Variants in CTNNA3 observed in about 807,000 individuals in gnomAD.
The protein encoded by CTNNA3 is catenin alpha-3.
In CTNNA3, 76 loss-of-function variants were observed where a neutral mutation model predicts 95.7. That is an observed-to-expected ratio of 0.79 (90% CI 0.66 to 0.96). The LOEUF (loss-of-function observed/expected upper bound fraction) is 0.96, where lower values mean the gene tolerates loss of function less well. CTNNA3 is among the 40% of genes least tolerant of loss of function. The pLI is 0.00. For missense variants in CTNNA3, 1,191 were observed against 1,089.8 expected (o/e 1.09, Z -1.31); for synonymous variants, 431 against 374.4 (o/e 1.15, Z -1.74).
intron 7 of CTNNA3, among the ~76,000 whole-genome samples, chr10:67,002,994 G>T (rs1851770480): frequency 6.6e-6 from 1 of 152,060 alleles, no homozygotes; most frequent in Non-Finnish European, 1.5e-5. Flanking sequence ...TTCATCAGAT[G>T]CAGTATTGCT....
At chr10:67,716,992 T>C (rs1841147850) in intron 1 of CTNNA3, among the ~76,000 whole-genome samples, 1 of 152,238 alleles carries the variant, frequency 6.6e-6, no homozygotes, top group Non-Finnish European at 1.5e-5. Flanking sequence ...TGTTGTTTCC[T>C]GATTTTTTAA....
At chr10:66,244,099 G>T (rs1248834891) in intron 13 of CTNNA3, among the ~76,000 whole-genome samples, 2 of 152,182 alleles carry the variant, frequency 1.3e-5, no homozygotes, top group Admixed American at 1.3e-4. Flanking sequence ...ATGAACATTG[G>T]CAGTGGCCTG....
intron 1 of CTNNA3, among the ~76,000 whole-genome samples, chr10:67,702,021 G>C (rs1181185435): frequency 6.6e-6 from 1 of 152,090 alleles, no homozygotes; most frequent in Non-Finnish European, 1.5e-5. Flanking sequence ...GATCAAAAGA[G>C]ACAAAGAAGG....
intron 7 of CTNNA3, among the ~76,000 whole-genome samples, chr10:66,834,808 A>G (rs1842835664): frequency 6.6e-6 from 1 of 152,158 alleles, no homozygotes; most frequent in African/African-American, 2.4e-5. Flanking sequence ...AACACTTTAA[A>G]CTGTGCTTTT....
intron 7 of CTNNA3, chr10:67,015,154 C>G (rs764436279): frequency 2.0e-5 from 3 of 152,226 alleles, no homozygotes; most frequent in Non-Finnish European, 4.4e-5. Context: ...TAACTGATAC[C>G]TCTTCCAATA....
At chr10:66,179,876 A>G (rs1289331374) in intron 13 of CTNNA3, among the ~76,000 whole-genome samples, 1 of 152,176 alleles carries the variant, frequency 6.6e-6, no homozygotes, top group East Asian at 1.9e-4. Context: ...GTCTATTATG[A>G]AAAATTTTAT....
At chr10:67,197,341 A>C (rs1214859158) in intron 6 of CTNNA3, among the ~76,000 whole-genome samples, 1 of 152,052 alleles carries the variant, frequency 6.6e-6, no homozygotes, top group African/African-American at 2.4e-5. Flanking sequence ...ATTGTGCTCT[A>C]TTTCTGTTTG....
chr10:67,579,898 G>T (rs896956887), intron 3 of CTNNA3, among the ~76,000 whole-genome samples: 1 of 152,180 alleles, frequency 6.6e-6, no homozygotes, highest in Non-Finnish European at 1.5e-5. Flanking sequence ...TTTTGATGGG[G>T]TTGTTTGATT....
intron 6 of CTNNA3, among the ~76,000 whole-genome samples, chr10:67,182,809 C>A (rs929507018): frequency 1.3e-5 from 2 of 152,092 alleles, no homozygotes; most frequent in Non-Finnish European, 2.9e-5. Flanking sequence ...GGCTAATATC[C>A]AGAATCTACA....
chr10:67,221,396 A>T (rs1349482215), intron 5 of CTNNA3, among the ~76,000 whole-genome samples: 1 of 152,198 alleles, frequency 6.6e-6, no homozygotes, highest in Non-Finnish European at 1.5e-5. Context: ...AAAACTCATG[A>T]GAGATGTGAT....
At chr10:67,446,701 T>A (rs949891606) in intron 5 of CTNNA3, among the ~76,000 whole-genome samples, 21 of 152,286 alleles carry the variant, frequency 1.4e-4, no homozygotes, top group African/African-American at 4.8e-4. Context: ...CTCAAAAACC[T>A]TGGAGCCATC....
chr10:66,363,809 T>C (rs540674835), intron 12 of CTNNA3, among the ~76,000 whole-genome samples: 1 of 152,306 alleles, frequency 6.6e-6, no homozygotes, highest in African/African-American at 2.4e-5. Context: ...TGCTTTACTA[T>C]ATTCCAATCC....
chr10:66,810,324 C>G (rs1303575517), intron 7 of CTNNA3, among the ~76,000 whole-genome samples: 1 of 152,110 alleles, frequency 6.6e-6, no homozygotes, highest in Non-Finnish European at 1.5e-5. Flanking sequence ...TTAGTTCCCC[C>G]ACATCCCTAA....
At chr10:66,810,236 A>G (rs527514832) in intron 7 of CTNNA3, among the ~76,000 whole-genome samples, 17 of 152,340 alleles carry the variant, frequency 1.1e-4, no homozygotes, top group African/African-American at 4.1e-4. Flanking sequence ...CAGAGGAGTG[A>G]AAGTTATAGT....
chr10:67,745,965 G>T (rs192061949), intron 1 of CTNNA3, among the ~76,000 whole-genome samples: 1 of 152,126 alleles, frequency 6.6e-6, no homozygotes. Flanking sequence ...TTCATGGATT[G>T]GAAGAAATAA....
intron 11 of CTNNA3, among the ~76,000 whole-genome samples, chr10:66,497,759 C>T (rs990090276): frequency 6.6e-6 from 1 of 152,078 alleles, no homozygotes; most frequent in East Asian, 1.9e-4. Flanking sequence ...AAATACACCA[C>T]AGGCCAATAA....
chr10:66,134,635 T>C (rs2083267004), intron 13 of CTNNA3, among the ~76,000 whole-genome samples: 1 of 152,126 alleles, frequency 6.6e-6, no homozygotes. Flanking sequence ...GGTAGATAAT[T>C]AGTCATTAAC....
intron 10 of CTNNA3, among the ~76,000 whole-genome samples, chr10:66,618,989 T>C (rs1844638312): frequency 6.6e-6 from 1 of 152,030 alleles, no homozygotes; most frequent in Non-Finnish European, 1.5e-5. Flanking sequence ...ATCAGAGAAA[T>C]GCAAATAAAA....
chr10:67,074,713 A>G (rs186758623), intron 7 of CTNNA3, among the ~76,000 whole-genome samples: 5 of 152,338 alleles, frequency 3.3e-5, no homozygotes, highest in Non-Finnish European at 5.9e-5. Flanking sequence ...AGACATTTCT[A>G]TTATTCAAAG....
Sources: allele counts gnomAD v4.1 joint callset (sites outside exome capture counted in the v4.1 genomes callset), GRCh38; gene constraint gnomAD v4.1.1; transcripts MANE v1.5; gene names NCBI Gene and HGNC (gene_info 2026-07-23, HGNC 2026-07-21).